TOP1MT: variants seen among roughly 807,000 people sequenced by gnomAD.
TOP1MT encodes the protein DNA topoisomerase I mitochondrial, also known as DNA topoisomerase I, mitochondrial.
TOP1MT carries 80 observed loss-of-function variants against 73.9 expected under a neutral mutation model. That is an observed-to-expected ratio of 1.08 (90% CI 0.90 to 1.30). The LOEUF is 1.30. TOP1MT is among the 50% of genes most tolerant of loss of function. The pLI, the probability that TOP1MT is intolerant of heterozygous loss-of-function variation, is 0.00. For synonymous variants in TOP1MT, 338 were observed against 326.4 expected, an observed-to-expected ratio of 1.04 and a Z score of -0.38; for missense variants, 815 against 808.0, an observed-to-expected ratio of 1.01 and a Z score of -0.10.
At chr8:143,323,138 C>A (rs1385342309) in intron 7 of TOP1MT, among the ~76,000 whole-genome samples, 1 of 101,738 alleles carries the variant, frequency 9.8e-6, no homozygotes, top group Non-Finnish European at 2.1e-5. Context: ...CACAGGCACA[C>A]CACACACAGG....
chr8:143,324,114 G>A lies in TOP1MT; in HGVS notation c.845C>T (p.Thr282Ile), dbSNP rs1816637521. ...KGETAWQKFE[T>I]ARRLRGFVDE... ...CACAAATCCCCGCAGGCGTCGAGCT[G>A]TTTCAAACTTCTGCCAAGCTGTCTC... Residue 282 changes from threonine (T) to isoleucine (I), a missense_variant, in exon 7 of 14, where the codon ACA (threonine) becomes ATA (isoleucine). Transcript: ENST00000329245. 1.9e-6 allele frequency: 3 copies of A among 1,613,714 alleles called. No homozygotes were observed. Among genetic ancestry groups the A allele is most frequent in the Non-Finnish European group, 2.5e-6 (3 of 1,180,040 alleles).
chr8:143,352,168 A>C (rs1282736191), intron 1 of TOP1MT, among the ~76,000 whole-genome samples: 2 of 152,258 alleles, frequency 1.3e-5, no homozygotes, highest in Non-Finnish European at 2.9e-5. Context: ...GTGTTTTTGC[A>C]GAAATTGACA....
chr8:143,353,206 C>G lies in TOP1MT; in HGVS notation c.-39+2759G>C, dbSNP rs566034461. Among the ~76,000 whole-genome samples the G allele has an allele frequency of 2.0e-5, 3 of 152,058 alleles. No homozygotes were observed. In the South Asian group the frequency reaches 6.2e-4, roughly 32 times the overall value. On this transcript the variant is annotated intron_variant, in intron 1 of 5. Coordinates refer to the TOP1MT transcript ENST00000518760. ...AAAGTGGGAGGATCACTTGAGCCCACAAGTTTGAGACCAGCCTAGGCAAAA... is the reference window on the plus strand; with the variant it reads ...AAAGTGGGAGGATCACTTGAGCCCAGAAGTTTGAGACCAGCCTAGGCAAAA...
upstream of TOP1MT, among the ~76,000 whole-genome samples, chr8:143,347,254 A>G (rs571147992): frequency 6.6e-6 from 1 of 152,266 alleles, no homozygotes; most frequent in African/African-American, 2.4e-5. Context: ...TCCTGGGTTC[A>G]CGCCGTTCTA....
chr8:143,313,235 G>A (rs1816058982), intron 12 of TOP1MT, among the ~76,000 whole-genome samples: 1 of 152,208 alleles, frequency 6.6e-6, no homozygotes, highest in South Asian at 2.1e-4. Context: ...TCTTAAATGT[G>A]TCACAGGACA....
At position 143,334,856 on chromosome 8, in the gene TOP1MT, G is replaced by A. The variant is rs761844394; in HGVS notation, c.6C>T (p.Arg2=). ...CCCGGAGCCGCAGCAGCCGCACCAC[G>A]CGCATCTGCCAGCCTCCGGGAAAGA... M[R]VVRLLRLRAA... is the part of the protein sequence containing the mutation. The change falls in exon 1 of 14, where the codon CGC becomes CGT. Residue 2 remains arginine (R), a synonymous_variant. Transcript: ENST00000329245. 19 of 1,479,662 alleles carry A rather than the reference G, an allele frequency of 1.3e-5. No homozygotes were observed. The highest frequency in any genetic ancestry group is 9.8e-5 in the African/African-American group (5 of 51,264). 91.7% of individuals were successfully genotyped at this position (1,479,662 alleles called of 1,614,324 possible).
intron 12 of TOP1MT, among the ~76,000 whole-genome samples, chr8:143,313,550 CAAA>C (rs34073373): frequency 1.1e-4 from 11 of 103,380 alleles, no homozygotes; most frequent in African/African-American, 1.9e-4. Flanking sequence ...ACTCCATCAC[CAAA>C]AAAAAAAAAA....
upstream of TOP1MT, among the ~76,000 whole-genome samples, chr8:143,348,822 C>G (rs529292944): frequency 6.6e-6 from 1 of 152,244 alleles, no homozygotes; most frequent in South Asian, 2.1e-4. The surrounding 1 kb of genome is among the most constrained non-coding windows in gnomAD (Gnocchi z 4.6). Flanking sequence ...CAGGGACTGA[C>G]CCAACTCCCA....
intron 1 of TOP1MT, among the ~76,000 whole-genome samples, chr8:143,332,907 AG>A: frequency 6.6e-6 from 1 of 151,974 alleles, no homozygotes; most frequent in East Asian, 2.0e-4. Flanking sequence ...ACTCGGGGAG[AG>A]GGGGGTTCTG....
chr8:143,352,922 A>AAC (rs1260651885), intron 1 of TOP1MT, among the ~76,000 whole-genome samples: 1 of 152,180 alleles, frequency 6.6e-6, no homozygotes, highest in Admixed American at 6.5e-5. Flanking sequence ...GGTTTTTAAA[A>AAC]ACACACACAG....
intron 7 of TOP1MT, 40 bp downstream of exon 7, chr8:143,323,959 C>G (rs1816630664): frequency 1.2e-6 from 2 of 1,605,966 alleles, no homozygotes; most frequent in Non-Finnish European, 1.7e-6. Context: ...GCCAGGAGAA[C>G]CAGGATGAAG....
Position 143,344,825 on chromosome 8 carries a change from G to A in TOP1MT, c.-39+91C>T, listed in dbSNP as rs1817191215. 1 of 152,480 alleles carries A rather than the reference G, an allele frequency of 6.6e-6. No homozygotes were observed. Among genetic ancestry groups the A allele is most frequent in the South Asian group, 2.1e-4 (1 of 4,832 alleles). 9.4% of individuals were successfully genotyped at this position (152,480 alleles called of 1,614,324 possible). A position where few individuals can be genotyped will look rare whatever the true frequency, so the allele number is the denominator to read the frequency against. ...GCAAGGACACCAAACAGCGGAGGAG[G>A]AGGGACCTCAGCTGAGCGAGATGAG... is the stretch of plus-strand genomic sequence containing the variant. On this transcript the variant is annotated intron_variant, in intron 1 of 5. Transcript: ENST00000518007. The surrounding 1 kb of genome is among the most constrained non-coding windows in gnomAD (Gnocchi z 4.6).
At chr8:143,319,121 C>T (rs1321839024) in intron 8 of TOP1MT, among the ~76,000 whole-genome samples, 3 of 152,068 alleles carry the variant, frequency 2.0e-5, no homozygotes, top group Non-Finnish European at 2.9e-5. Context: ...CTTCTGTCTC[C>T]TACCTCCGAT....
In TOP1MT at chr8:143,318,066, G is replaced by A; in HGVS notation, c.1167C>T (p.Leu389=). ...CCCGGGGGTCCTTGTTCTCCATAAAGAGCTGTAAGTTCTTGTACACCTGAA... is the reference window on the plus strand; with the variant it reads ...CCCGGGGGTCCTTGTTCTCCATAAAAAGCTGTAAGTTCTTGTACACCTGAA... ...VEKPVYKNLQ[L]FMENKDPRDD... is the part of the protein sequence containing the mutation. The change falls in exon 9 of 14, where the codon CTC becomes CTT. Residue 389 remains leucine, a synonymous_variant. Coordinates refer to ENST00000329245, the MANE Select transcript of TOP1MT (RefSeq NM_052963.3). 1 of 1,614,132 alleles carries A rather than the reference G, an allele frequency of 6.2e-7. No homozygotes were observed. The highest frequency in any genetic ancestry group is 1.1e-5 in the South Asian group (1 of 91,086).
At chr8:143,352,718 C>G (rs746320348) in intron 1 of TOP1MT, among the ~76,000 whole-genome samples, 3 of 152,142 alleles carry the variant, frequency 2.0e-5, no homozygotes, top group Non-Finnish European at 4.4e-5. Context: ...CCTTGAACTC[C>G]CAGGCTCCAG....
chr8:143,316,103 T>A lies in TOP1MT; in HGVS notation c.1354A>T (p.Ile452Phe). 1 of 1,614,070 alleles carries A rather than the reference T, an allele frequency of 6.2e-7. No homozygotes were observed. The highest frequency in any genetic ancestry group is 8.5e-7 in the Non-Finnish European group (1 of 1,179,970). ...TRAEDSIAAKILSYNRANRVV... is the reference protein window; with the variant it reads ...TRAEDSIAAKFLSYNRANRVV... Reference sequence around the variant, plus strand: ...CGGTTGGCTCGGTTGTAGGATAAGATCTTAGCTGCTATGCTGTCCTCGGCT... The same window carrying A: ...CGGTTGGCTCGGTTGTAGGATAAGAACTTAGCTGCTATGCTGTCCTCGGCT... Residue 452 changes from isoleucine (I) to phenylalanine (F), a missense_variant, in exon 11 of 14, where the codon ATC (isoleucine) becomes TTC (phenylalanine). By Grantham distance (21) the Ile-to-Phe change is conservative (BLOSUM62 0). Coordinates refer to ENST00000329245, the MANE Select transcript of TOP1MT (RefSeq NM_052963.3).
rs2272637 is a variant in TOP1MT at position 143,317,715 on chromosome 8, A to C, written c.1330+8T>G. ...CCCGCGCTGAGTGTGGGTGTGGGGC[A>C]GGCTCACCGCGCGTCAGGGCCCGCA... On this transcript the variant is annotated splice_region_variant and intron_variant, in intron 10 of 13. Transcript: ENST00000329245. 0.55 allele frequency: 893,166 copies of C among 1,610,558 alleles called. 254,488 individuals carry two copies. The highest frequency in any genetic ancestry group is 0.78 in the East Asian group (34,807 of 44,806).
rs10096734 is a variant in TOP1MT at position 143,326,285 on chromosome 8, C to A, written c.420G>T (p.Glu140Asp). Residue 140 changes from glutamate (E) to aspartate (D), a missense_variant, in exon 4 of 14, where the codon GAG becomes GAT. Physicochemically the swap from Glu to Asp is conservative, Grantham distance 45. Transcript: ENST00000329245. ...IKSLDKCDFT[E>D]IHRYFVDKAA... is the part of the protein sequence containing the mutation. ...CCTTGTCCACAAAGTATCTGTGGATCTCCGTGAAGTCACACTTGTCCAGGC... is the reference window on the plus strand; with the variant it reads ...CCTTGTCCACAAAGTATCTGTGGATATCCGTGAAGTCACACTTGTCCAGGC... The A allele has an allele frequency of 2.0e-4, 323 of 1,614,014 alleles. 1 individual carries two copies. The African/African-American group carries it at 4.0e-3, about 20-fold the overall frequency.
chr8:143,317,971 C>A, intron 9 of TOP1MT, 47 bp downstream of exon 9: 1 of 1,608,934 alleles, frequency 6.2e-7, no homozygotes, highest in South Asian at 1.1e-5. Context: ...CGCCCTCTCA[C>A]TGGGTCCTGC....
Sources: allele counts gnomAD v4.1 joint callset (sites outside exome capture counted in the v4.1 genomes callset), GRCh38; gene constraint gnomAD v4.1.1; non-coding constraint Gnocchi (gnomAD v3.1); transcripts MANE v1.5; gene names NCBI Gene and HGNC (gene_info 2026-07-23, HGNC 2026-07-21).